The following OTOGL variants were observed in gnomAD, a reference collection of about 807,000 sequenced individuals.
The protein encoded by OTOGL is otogelin like.
Under a neutral mutation model 318.5 loss-of-function variants are expected in OTOGL, and 285 were observed. That is an observed-to-expected ratio of 0.89 (90% CI 0.81 to 0.99). The LOEUF (loss-of-function observed/expected upper bound fraction) is 0.99, where lower values mean the gene tolerates loss of function less well. OTOGL is among the 50% of genes least tolerant of loss of function. The pLI is 0.00. For synonymous variants in OTOGL, 987 were observed against 936.5 expected (o/e 1.05, Z -0.99); for missense variants, 2,899 against 2,845.6 (o/e 1.02, Z -0.43).
Position 80,377,142 on chromosome 12 carries a change from A to AT in OTOGL, c.6802dup (p.Cys2268LeufsTer7). On this transcript the variant is annotated frameshift_variant, in exon 58 of 59. Coordinates refer to ENST00000547103, the MANE Select transcript of OTOGL (RefSeq NM_001378609.3). LOFTEE classifies it high-confidence loss of function. ...TATCAGGCAAACGAGAAGAAAGAATATGCCAGAAAGTGATCATTAAATCGG... is the reference window on the plus strand; with the variant it reads ...TATCAGGCAAACGAGAAGAAAGAATATTGCCAGAAAGTGATCATTAAATCGG... The AT allele has an allele frequency of 3.1e-6, 5 of 1,607,924 alleles. No homozygotes were observed. The highest frequency in any genetic ancestry group is 4.2e-6 in the Non-Finnish European group (5 of 1,176,502).
chr12:80,164,956 A>G (rs902369085), intron 1 of OTOGL, among the ~76,000 whole-genome samples: 11 of 152,174 alleles, frequency 7.2e-5, no homozygotes, highest in South Asian at 4.1e-4. Context: ...CTTGGTATGA[A>G]GAGGATATTC....
intron 1 of OTOGL, among the ~76,000 whole-genome samples, chr12:80,180,611 T>G (rs1874855214): frequency 1.3e-5 from 2 of 152,148 alleles, no homozygotes; most frequent in Admixed American, 6.5e-5. Flanking sequence ...AGAAATCGTG[T>G]AAATGGGCTT....
chr12:80,219,747 T>C (rs746213705), intron 5 of OTOGL, 67 bp from the exon 6 acceptor site: 13 of 993,346 alleles, frequency 1.3e-5, no homozygotes, highest in Non-Finnish European at 1.8e-5. Flanking sequence ...AGCTATATCT[T>C]GACATATTAT....
chr12:80,153,279 T>C (rs1458758740), intron 1 of OTOGL, among the ~76,000 whole-genome samples: 1 of 152,292 alleles, frequency 6.6e-6, no homozygotes, highest in Middle Eastern at 3.4e-3. Flanking sequence ...TGTCCTCAGA[T>C]GGTGGAAGGA....
At chr12:80,229,488 A>G (rs1879175265) in intron 8 of OTOGL, 110 bp downstream of exon 8, 4 of 1,338,154 alleles carry the variant, frequency 3.0e-6, no homozygotes, top group East Asian at 2.5e-5. Context: ...GATTTCTTCA[A>G]CAATACTCTT....
chr12:80,147,999 C>T (rs1374717993), intron 1 of OTOGL, among the ~76,000 whole-genome samples: 1 of 152,192 alleles, frequency 6.6e-6, no homozygotes, highest in African/African-American at 2.4e-5. Flanking sequence ...TGGGTCTTGA[C>T]TCTTTATCCA....
chr12:80,315,927 C>T (rs1886943751), intron 32 of OTOGL, among the ~76,000 whole-genome samples: 1 of 152,078 alleles, frequency 6.6e-6, no homozygotes, highest in African/African-American at 2.4e-5. Context: ...CTTTGGATTC[C>T]ATAATTAAAA....
intron 11 of OTOGL, among the ~76,000 whole-genome samples, chr12:80,250,120 G>A (rs1344681334): frequency 1.3e-5 from 2 of 152,132 alleles, no homozygotes; most frequent in African/African-American, 2.4e-5. Context: ...GAAATCACCT[G>A]TCTTCTGTGT....
In OTOGL at chr12:80,238,882, A is replaced by AACATCGCTATGTTTGC. The variant is rs1565920060; in HGVS notation, c.850_851insCATCGCTATGTTTGCA (p.Asn284ThrfsTer7). ...ATACAGAAGACATCGCTATGTTTGC[A>AACATCGCTATGTTTGC]AATAGTTGGTCGGTGCAAACTCCAG... On this transcript the variant is annotated frameshift_variant, in exon 10 of 59. Transcript: ENST00000547103. LOFTEE classifies it high-confidence loss of function. 4.1e-5 allele frequency: 64 copies of AACATCGCTATGTTTGC among 1,571,188 alleles called. No individual in the cohort carries two copies. In the South Asian group the frequency reaches 6.3e-4, roughly 16 times the overall value.
In OTOGL at chr12:80,367,631, G is replaced by T. The variant is rs11114416; in HGVS notation, c.6402G>T (p.Leu2134Phe). ...LNPGQSMIKY[L>F]EEDFCYAIEC... ...CTGGACAATCCATGATAAAGTATTT[G>T]GAAGAAGACTTTTGTTATGCTATAG... The change falls in exon 54 of 59, where the codon TTG becomes TTT. Residue 2134 changes from leucine to phenylalanine, a missense_variant. This residue lies in a region of OTOGL where 289 missense variants were observed against 304.6 expected (regional missense o/e 0.95). Coordinates refer to ENST00000547103, the MANE Select transcript of OTOGL (RefSeq NM_001378609.3). The T allele has an allele frequency of 0.19, 289,365 of 1,534,542 alleles. 28,595 individuals carry two copies. The highest frequency in any genetic ancestry group is 0.21 in the Middle Eastern group (1,255 of 5,852).
At chr12:80,374,993 C>T (rs1357126468) in intron 57 of OTOGL, among the ~76,000 whole-genome samples, 2 of 152,102 alleles carry the variant, frequency 1.3e-5, no homozygotes, top group Admixed American at 6.6e-5. Flanking sequence ...TAAATTTAGG[C>T]CTGTCCAGTA....
rs1887136167 is a variant in OTOGL, at chr12:80,318,716, A to G, written c.3802+3A>G. 1 of 1,244,052 alleles carries G rather than the reference A, an allele frequency of 8.0e-7. No homozygotes were observed. The highest frequency in any genetic ancestry group is 1.0e-6 in the Non-Finnish European group (1 of 972,634). The allele number at this position is 1,244,052 out of a possible 1,614,324, so 77.1% of individuals were successfully genotyped here. A position where few individuals can be genotyped will look rare whatever the true frequency, so the allele number is the denominator to read the frequency against. On this transcript the variant is annotated splice_donor_region_variant and intron_variant, in intron 33 of 58. Transcript: ENST00000547103. The stretch of plus-strand genomic sequence containing the variant: ...CCTTTTCAAAGAGAAGGTATCATGT[A>G]AGTATAATTGAAAATAAGAGTTTAG...
intron 1 of OTOGL, among the ~76,000 whole-genome samples, chr12:80,130,385 C>T (rs1871165878): frequency 6.6e-6 from 1 of 152,172 alleles, no homozygotes; most frequent in African/African-American, 2.4e-5. Flanking sequence ...ATTGCATGAG[C>T]TAAAGGTCAG....
At chr12:80,258,423 TA>T (rs1310232985) in intron 18 of OTOGL, among the ~76,000 whole-genome samples, 5 of 152,150 alleles carry the variant, frequency 3.3e-5, no homozygotes, top group Non-Finnish European at 7.4e-5. Flanking sequence ...TTAGTGGTAG[TA>T]AATACTCTAT....
intron 4 of OTOGL, among the ~76,000 whole-genome samples, chr12:80,212,304 A>G (rs372505124): frequency 6.6e-6 from 1 of 152,178 alleles, no homozygotes. Context: ...TAGTTTAAAA[A>G]TTAAGCACAA....
chr12:80,193,062 T>C (rs1321067186), intron 1 of OTOGL, among the ~76,000 whole-genome samples: 1 of 152,022 alleles, frequency 6.6e-6, no homozygotes, highest in African/African-American at 2.4e-5. Flanking sequence ...ACATTGAACA[T>C]CTAGATTAGG....
intron 26 of OTOGL, among the ~76,000 whole-genome samples, chr12:80,293,805 T>G (rs1236476712): frequency 6.6e-6 from 1 of 152,176 alleles, no homozygotes; most frequent in African/African-American, 2.4e-5. Flanking sequence ...AGTTCGTTTT[T>G]TCTGCAACAT....
At chr12:80,171,984 A>G (rs950878836) in intron 1 of OTOGL, among the ~76,000 whole-genome samples, 2 of 152,182 alleles carry the variant, frequency 1.3e-5, no homozygotes, top group Middle Eastern at 3.2e-3. Flanking sequence ...TTTCCAAGAT[A>G]GACATATAAT....
At chr12:80,329,561 G>A (rs75132386) in intron 37 of OTOGL, among the ~76,000 whole-genome samples, 2,629 of 152,234 alleles carry the variant, frequency 0.017, 76 homozygotes, top group African/African-American at 0.061. Flanking sequence ...ATAAATCAGG[G>A]TTTTCTTTAT....
Sources: allele counts gnomAD v4.1 joint callset (sites outside exome capture counted in the v4.1 genomes callset), GRCh38; gene constraint gnomAD v4.1.1; regional missense constraint gnomAD v4.1.1; transcripts MANE v1.5; gene names NCBI Gene and HGNC (gene_info 2026-07-23, HGNC 2026-07-21).